Variants in EXOC6 observed in about 807,000 individuals in gnomAD.
The protein encoded by EXOC6 is SEC15-like 1.
A neutral mutation model predicts 112.5 loss-of-function variants in EXOC6; 60 were observed. The ratio of observed to expected loss-of-function variants is 0.53; its 90% CI spans 0.43 to 0.66. EXOC6 has a LOEUF of 0.66. Among genes scored for constraint, EXOC6 ranks in the 30% least tolerant of loss-of-function variants. EXOC6 has a pLI of 0.00. For missense variants in EXOC6, 855 were observed against 957.1 expected (o/e 0.89, Z 1.41); for synonymous variants, 295 against 308.0 (o/e 0.96, Z 0.44).
intron 18 of EXOC6, among the ~76,000 whole-genome samples, chr10:92,975,310 TGAG>T (rs1842477291): frequency 6.8e-6 from 1 of 147,042 alleles, no homozygotes; most frequent in Non-Finnish European, 1.5e-5. Context: ...GTCTGAGAAG[TGAG>T]GAGACCCTCT....
chr10:92,974,906 C>T (rs1484537132), intron 18 of EXOC6, among the ~76,000 whole-genome samples: 15 of 152,296 alleles, frequency 9.8e-5, no homozygotes, highest in South Asian at 6.2e-4. Context: ...GGCGTGCTCT[C>T]GGCTCGCTAC....
intron 5 of EXOC6, chr10:92,900,580 A>G (rs899138539): frequency 1.3e-5 from 2 of 151,920 alleles, no homozygotes; most frequent in African/African-American, 2.4e-5. Context: ...CGTATGTATT[A>G]ATAATATATT....
chr10:92,875,535 A>G (rs187953495), intron 1 of EXOC6, among the ~76,000 whole-genome samples: 130 of 152,350 alleles, frequency 8.5e-4, no homozygotes, highest in Admixed American at 1.4e-3. Context: ...TACATATCTC[A>G]TGAATTCCTA....
At chr10:92,998,654 A>ACG (rs1843606965) in intron 19 of EXOC6, among the ~76,000 whole-genome samples, 1 of 151,168 alleles carries the variant, frequency 6.6e-6, no homozygotes. Flanking sequence ...ACACACACAC[A>ACG]CACACACACA....
intron 4 of EXOC6, among the ~76,000 whole-genome samples, chr10:92,897,666 C>T (rs191010589): frequency 1.1e-3 from 175 of 152,284 alleles, no homozygotes; most frequent in Admixed American, 2.0e-3. Context: ...TGAGACAAAT[C>T]CATATCTGAT....
At chr10:92,839,711 G>A (rs2490736) in intron 1 of EXOC6, among the ~76,000 whole-genome samples, 105,562 of 151,830 alleles carry the variant, frequency 0.7, 37,451 homozygotes, top group Middle Eastern at 0.74. Context: ...CAGGTCCTGA[G>A]GTCACAATGT....
At chr10:93,053,343 C>T (rs981256829) in intron 20 of EXOC6, among the ~76,000 whole-genome samples, 5 of 152,150 alleles carry the variant, frequency 3.3e-5, no homozygotes, top group Admixed American at 3.3e-4. Flanking sequence ...GGAATAAAGT[C>T]CTGGTTTTTT....
At chr10:92,939,713 A>G (rs377492008) in intron 12 of EXOC6, among the ~76,000 whole-genome samples, 2 of 152,022 alleles carry the variant, frequency 1.3e-5, no homozygotes, top group South Asian at 4.1e-4. Context: ...AGAAAAGACT[A>G]AAGGTTAGAG....
intron 20 of EXOC6, among the ~76,000 whole-genome samples, chr10:93,028,650 C>A (rs1203904268): frequency 2.0e-5 from 3 of 152,080 alleles, no homozygotes; most frequent in Admixed American, 2.0e-4. Flanking sequence ...GCCTGACCAA[C>A]ATGGAGAAAC....
intron 1 of EXOC6, among the ~76,000 whole-genome samples, chr10:92,870,165 G>C (rs998589564): frequency 6.6e-6 from 1 of 151,960 alleles, no homozygotes; most frequent in Non-Finnish European, 1.5e-5. Flanking sequence ...TGTTGGCCAG[G>C]TTGGTCTTGA....
intron 18 of EXOC6, among the ~76,000 whole-genome samples, chr10:92,976,778 TG>T (rs921766949): frequency 2.6e-5 from 4 of 152,054 alleles, no homozygotes; most frequent in African/African-American, 9.7e-5. Flanking sequence ...ACTGGAGCAT[TG>T]TTCTATCCTG....
At position 92,927,264 on chromosome 10, in the gene EXOC6, T is replaced by C. The variant is rs532703608; in HGVS notation, c.889-1075T>C. ...AGGGAAATGGTTCTCAACCTTTCCT[T>C]CTGATGTTGGATGGGTTCTCTTTAA... On this transcript the variant is annotated intron_variant, in intron 8 of 21. Transcript: ENST00000260762. 3.7e-4 allele frequency among the ~76,000 whole-genome samples: 57 copies of C among 152,186 alleles called. 1 individual carries two copies. The highest frequency in any genetic ancestry group is 1.3e-3 in the African/African-American group (55 of 41,460).
chr10:93,035,727 T>C (rs1269461820), intron 20 of EXOC6, among the ~76,000 whole-genome samples: 2 of 152,084 alleles, frequency 1.3e-5, no homozygotes, highest in Non-Finnish European at 2.9e-5. Context: ...CATTGGCATA[T>C]GCTTGTAATC....
At chr10:92,828,730 A>AT (rs71028852) in intron 1 of EXOC6, among the ~76,000 whole-genome samples, 1 of 110,104 alleles carries the variant, frequency 9.1e-6, no homozygotes, top group African/African-American at 3.6e-5. Context: ...GTGTGTGTGT[A>AT]TTTTTTTTTT....
At chr10:92,915,217 A>T (rs1851013041) in intron 6 of EXOC6, among the ~76,000 whole-genome samples, 1 of 152,138 alleles carries the variant, frequency 6.6e-6, no homozygotes, top group African/African-American at 2.4e-5. Flanking sequence ...CTGAGGAAAT[A>T]CATGGTTCTA....
At chr10:92,953,894 A>G (rs1284432036) in intron 15 of EXOC6, among the ~76,000 whole-genome samples, 1 of 152,192 alleles carries the variant, frequency 6.6e-6, no homozygotes, top group African/African-American at 2.4e-5. Flanking sequence ...TTAAAAATTA[A>G]ATTTGTTTAT....
Position 93,054,306 on chromosome 10 carries a change from A to G in EXOC6, c.2170-2618A>G, listed in dbSNP as rs547785328. ...TGGGGAGTCAATATATGTTGAATAA[A>G]TAAATGAATCTTATGTAGATCATTG... On this transcript the variant is annotated intron_variant, in intron 20 of 21. Transcript: ENST00000260762. Among the ~76,000 whole-genome samples, 4 of 152,346 alleles carry G rather than the reference A, an allele frequency of 2.6e-5. No homozygotes were observed. In the East Asian group the frequency reaches 7.7e-4, roughly 29 times the overall value.
chr10:93,008,690 G>A (rs1249025241), intron 19 of EXOC6, among the ~76,000 whole-genome samples: 3 of 152,114 alleles, frequency 2.0e-5, no homozygotes, highest in Non-Finnish European at 2.9e-5. Context: ...GAAATGATTT[G>A]TATTACTATT....
At chr10:92,833,411 G>A (rs1846554487), upstream of EXOC6, among the ~76,000 whole-genome samples, 1 of 152,190 alleles carries the variant, frequency 6.6e-6, no homozygotes, top group Non-Finnish European at 1.5e-5. Flanking sequence ...ATGCCTTAGA[G>A]GCTTTAGAAA....
Sources: gnomAD v4.1 joint callset for allele counts (sites outside exome capture counted in the v4.1 genomes callset) on GRCh38, gnomAD v4.1.1 for gene constraint, MANE v1.5 for transcripts, NCBI Gene and HGNC (gene_info 2026-07-23, HGNC 2026-07-21) for gene names.